CAPN7: variants seen among roughly 807,000 people sequenced by gnomAD.
CAPN7 encodes the protein calpain-7.
Under a neutral mutation model 115.2 loss-of-function variants are expected in CAPN7, and 72 were observed. The observed-to-expected ratio is 0.63, with a 90% confidence interval of 0.52 to 0.76. The LOEUF (loss-of-function observed/expected upper bound fraction) is 0.76. CAPN7 is among the 30% of genes least tolerant of loss of function. The pLI is 0.00. For missense variants in CAPN7, 905 were observed against 971.5 expected (o/e 0.93, Z 0.91); for synonymous variants, 344 against 322.3 (o/e 1.07, Z -0.72).
Position 15,235,041 on chromosome 3 carries a change from G to A in CAPN7, c.1303G>A (p.Val435Ile). 1 of 1,611,926 alleles carries A rather than the reference G, an allele frequency of 6.2e-7. No homozygotes were observed. Among genetic ancestry groups the A allele is most frequent in the Non-Finnish European group, 8.5e-7 (1 of 1,179,254 alleles). ...MLYQRFHKGDVLITASTGMMT... is the reference protein window; with the variant it reads ...MLYQRFHKGDILITASTGMMT... ...TCATTCCAGATTTCACAAAGGAGAT[G>A]TCCTCATCACTGCGTCAACTGGAAT... The change falls in exon 12 of 21, where the codon GTC becomes ATC. Residue 435 changes from valine to isoleucine, a missense_variant. Coordinates refer to ENST00000253693, the MANE Select transcript of CAPN7 (RefSeq NM_014296.3).
chr3:15,225,492 T>C (rs1489029284), intron 6 of CAPN7, among the ~76,000 whole-genome samples: 1 of 152,190 alleles, frequency 6.6e-6, no homozygotes, highest in East Asian at 1.9e-4. Context: ...ATAAGAAAAA[T>C]GTTATATAGC....
chr3:15,219,649 T>A (rs1050392041), intron 4 of CAPN7, among the ~76,000 whole-genome samples: 1 of 152,234 alleles, frequency 6.6e-6, no homozygotes, highest in Admixed American at 6.5e-5. Context: ...TTGAAACTTA[T>A]GGATCCATTC....
At chr3:15,249,124 C>T (rs759999980) in intron 19 of CAPN7, among the ~76,000 whole-genome samples, 3 of 151,764 alleles carry the variant, frequency 2.0e-5, no homozygotes, top group Non-Finnish European at 4.4e-5. Context: ...AGTTAATAAC[C>T]CATTAGATAC....
At chr3:15,233,243 A>G (rs541557567) in intron 10 of CAPN7, among the ~76,000 whole-genome samples, 1 of 152,354 alleles carries the variant, frequency 6.6e-6, no homozygotes, top group East Asian at 1.9e-4. Flanking sequence ...TTGCATCTTT[A>G]TTCCAATAAT....
chr3:15,234,614 G>C (rs1011137434), intron 11 of CAPN7, among the ~76,000 whole-genome samples: 1 of 152,158 alleles, frequency 6.6e-6, no homozygotes, highest in African/African-American at 2.4e-5. Context: ...GCCTTAAATG[G>C]ATAATCCATA....
At position 15,241,526 on chromosome 3, in the gene CAPN7, G is replaced by A. The variant is rs1162835737; in HGVS notation, c.1726G>A (p.Val576Met). ...LANNPQYKLE[V>M]QCPQGGAAVW... Reference sequence around the variant, plus strand: ...CAACAACCCCCAGTACAAACTGGAGGTGCAGTGTCCACAGGGGGGTGCTGC... The same window carrying A: ...CAACAACCCCCAGTACAAACTGGAGATGCAGTGTCCACAGGGGGGTGCTGC... The change falls in exon 15 of 21, where the codon GTG becomes ATG. Residue 576 changes from valine (V) to methionine (M), a missense_variant. By Grantham distance (21) the Val-to-Met change is conservative. Around this residue, in one of 3 missense-constraint regions of CAPN7, gnomAD observed 620 missense variants for 703.4 expected, o/e 0.88. Coordinates refer to ENST00000253693, the MANE Select transcript of CAPN7 (RefSeq NM_014296.3). The A allele has an allele frequency of 2.0e-5, 32 of 1,614,032 alleles. No individual in the cohort carries two copies. Among genetic ancestry groups the A allele is most frequent in the Non-Finnish European group, 2.6e-5 (31 of 1,180,016 alleles).
chr3:15,236,746 T>C (rs191393665), intron 12 of CAPN7, among the ~76,000 whole-genome samples: 2 of 152,360 alleles, frequency 1.3e-5, no homozygotes, highest in African/African-American at 2.4e-5. Context: ...TAGGCAGTTA[T>C]AACAACTTGG....
chr3:15,218,461 C>CT lies in CAPN7; in HGVS notation c.370-9dup. ...TATGCTTTAAAATGTCTGTCTCTTT[C>CT]TTTCTCTTAAGTCTTATGAAACTGC... On this transcript the variant is annotated splice_polypyrimidine_tract_variant and intron_variant, in intron 3 of 20. Transcript: ENST00000253693. The CT allele has an allele frequency of 6.3e-7, 1 of 1,592,436 alleles. No individual in the cohort carries two copies. Among genetic ancestry groups the CT allele is most frequent in the Non-Finnish European group, 8.6e-7 (1 of 1,166,246 alleles).
At chr3:15,212,842 C>T (rs983356446) in intron 2 of CAPN7, among the ~76,000 whole-genome samples, 5 of 152,076 alleles carry the variant, frequency 3.3e-5, no homozygotes, top group Non-Finnish European at 5.9e-5. Context: ...TTCTTTTTAA[C>T]CCTCTTTTTC....
intron 7 of CAPN7, 112 bp downstream of exon 7, chr3:15,228,077 T>A: frequency 1.4e-6 from 1 of 708,426 alleles, no homozygotes; most frequent in African/African-American, 1.9e-5. Context: ...TACAGAAGTG[T>A]AATTGGAAAA....
At chr3:15,226,712 A>G (rs1694337705) in intron 6 of CAPN7, among the ~76,000 whole-genome samples, 1 of 152,160 alleles carries the variant, frequency 6.6e-6, no homozygotes, top group African/African-American at 2.4e-5. Context: ...GCCATATTCT[A>G]TTTTAAGAGA....
chr3:15,207,319 G>A (rs56378921), intron 1 of CAPN7, among the ~76,000 whole-genome samples: 5,914 of 152,268 alleles, frequency 0.039, 395 homozygotes, highest in African/African-American at 0.14. Context: ...TACTACACCA[G>A]TGTGGGGCAC....
At chr3:15,214,369 A>T (rs2045125745) in intron 2 of CAPN7, among the ~76,000 whole-genome samples, 2 of 152,222 alleles carry the variant, frequency 1.3e-5, no homozygotes, top group Non-Finnish European at 2.9e-5. Context: ...GTCTGCTGAC[A>T]GTTAAGAGAA....
intron 9 of CAPN7, chr3:15,232,118 A>C (rs540204932): frequency 1.0e-5 from 4 of 387,758 alleles, no homozygotes; most frequent in African/African-American, 8.6e-5. Context: ...CAGAATACCT[A>C]CAAGTTGAAC....
intron 2 of CAPN7, among the ~76,000 whole-genome samples, chr3:15,216,599 CAT>C (rs1232238636): frequency 6.6e-6 from 1 of 152,014 alleles, no homozygotes; most frequent in African/African-American, 2.4e-5. Context: ...AAATACATAA[CAT>C]ATTCTAGGCT....
At position 15,231,050 on chromosome 3, in the gene CAPN7, C is replaced by T. The variant is rs193099146; in HGVS notation, c.1032+515C>T. On this transcript the variant is annotated intron_variant, in intron 9 of 20. Transcript: ENST00000253693. ...CTCCACCACCTGTCCATGTTGAGAT[C>T]CATGCAGCAACATCAGCATCACCTG... 2.0e-4 allele frequency among the ~76,000 whole-genome samples: 31 copies of T among 152,286 alleles called. No homozygotes were observed. In the East Asian group the frequency reaches 5.8e-3, roughly 28 times the overall value.
intron 4 of CAPN7, among the ~76,000 whole-genome samples, chr3:15,220,021 C>G (rs1463235037): frequency 6.6e-6 from 1 of 151,954 alleles, no homozygotes. Flanking sequence ...GCCAACGTGG[C>G]GAAACCCTGT....
At chr3:15,235,898 T>C (rs1694964588) in intron 12 of CAPN7, among the ~76,000 whole-genome samples, 1 of 152,144 alleles carries the variant, frequency 6.6e-6, no homozygotes, top group South Asian at 2.1e-4. Context: ...CTCACATTTA[T>C]AATCCCGATA....
intron 5 of CAPN7, among the ~76,000 whole-genome samples, chr3:15,223,255 A>C (rs1467844490): frequency 6.6e-6 from 1 of 152,170 alleles, no homozygotes; most frequent in East Asian, 1.9e-4. Flanking sequence ...TGTGGGTGTT[A>C]GCCTTTAAAG....
Sources: gnomAD v4.1 joint callset for allele counts (sites outside exome capture counted in the v4.1 genomes callset) on GRCh38, gnomAD v4.1.1 for gene constraint, gnomAD v4.1.1 regional missense constraint, MANE v1.5 for transcripts, NCBI Gene and HGNC (gene_info 2026-07-23, HGNC 2026-07-21) for gene names.